The following LAMC3 variants were observed in gnomAD, a reference collection of about 807,000 sequenced individuals.
LAMC3 encodes the protein laminin subunit gamma 3.
A neutral mutation model predicts 173.8 loss-of-function variants in LAMC3; 128 were observed. That is an observed-to-expected ratio of 0.74 (90% CI 0.64 to 0.85). The LOEUF (loss-of-function observed/expected upper bound fraction) is 0.85, where lower values mean the gene tolerates loss of function less well. LAMC3 is among the 40% of genes least tolerant of loss of function. LAMC3 has a pLI of 0.00. For missense variants in LAMC3, 2,022 were observed against 2,156.0 expected (o/e 0.94, Z 1.23); for synonymous variants, 897 against 909.1 (o/e 0.99, Z 0.24).
Position 131,092,236 on chromosome 9 carries a change from C to T in LAMC3, c.*449C>T, listed in dbSNP as rs914092626. The T allele has an allele frequency of 1.8e-4, 44 of 247,860 alleles. No individual in the cohort carries two copies. The highest frequency in any genetic ancestry group is 9.9e-5 in the East Asian group (1 of 10,074). 15.4% of individuals were successfully genotyped at this position (247,860 alleles called of 1,614,324 possible). A position where few individuals can be genotyped will look rare whatever the true frequency, so the allele number is the denominator to read the frequency against. ...TTACATGAGATGCCCTGGGGTGCTA[C>T]ATCCACTCACTCCAGATAGCAGGGA... On this transcript the variant is annotated 3_prime_UTR_variant, in exon 28 of 28. Transcript: ENST00000361069.
At position 131,026,648 on chromosome 9, in the gene LAMC3, A is replaced by G. The variant is rs1468540258; in HGVS notation, c.678+59A>G. On this transcript the variant is annotated intron_variant, in intron 2 of 27. Coordinates refer to ENST00000361069, the MANE Select transcript of LAMC3 (RefSeq NM_006059.4). This position sits in a 1 kb window ranked among gnomAD's most constrained non-coding sequence, Gnocchi z 4.8. ...GGGGTTGGGACTGGGTCACGGCAGTAGGAGGGTCTGATGTGCCAGGACACA... is the reference window on the plus strand; with the variant it reads ...GGGGTTGGGACTGGGTCACGGCAGTGGGAGGGTCTGATGTGCCAGGACACA... 10 of 1,489,094 alleles carry G rather than the reference A, an allele frequency of 6.7e-6. No individual in the cohort carries two copies. The highest frequency in any genetic ancestry group is 2.8e-5 in the African/African-American group (2 of 71,986). The allele number at this position is 1,489,094 out of a possible 1,614,324, so 92.2% of individuals were successfully genotyped here. A position where few individuals can be genotyped will look rare whatever the true frequency, so the allele number is the denominator to read the frequency against.
intron 27 of LAMC3, among the ~76,000 whole-genome samples, chr9:131,089,182 G>A (rs1588172595): frequency 8.5e-6 from 1 of 118,276 alleles, no homozygotes; most frequent in South Asian, 3.4e-4. Context: ...TCATCGGGTG[G>A]GGGGAGGGGG....
rs116452372 is a variant in LAMC3, at chr9:131,060,133, G to C, written c.2159-902G>C. Among the ~76,000 whole-genome samples, 606 of 152,282 alleles carry C rather than the reference G, an allele frequency of 4.0e-3. 6 individuals carry two copies. Among genetic ancestry groups the C allele is most frequent in the African/African-American group, 0.014 (592 of 41,548 alleles). The stretch of plus-strand genomic sequence containing the variant: ...ATCAGGAGCCAGAGGGCAGGAACAG[G>C]GGTTCCCTCCCCTGAGACTAGGTAT... On this transcript the variant is annotated intron_variant, in intron 12 of 27. Transcript: ENST00000361069.
chr9:131,068,051 A>G, intron 14 of LAMC3, 27 bp from the exon 15 acceptor site: 1 of 1,605,662 alleles, frequency 6.2e-7, no homozygotes. Flanking sequence ...CATTGTTCCC[A>G]ACACCCCTTC....
At chr9:131,080,789 G>C (rs946523102) in intron 23 of LAMC3, among the ~76,000 whole-genome samples, 42 of 152,052 alleles carry the variant, frequency 2.8e-4, no homozygotes, top group Admixed American at 1.6e-3. Context: ...AGGCCCCAGC[G>C]TGTACAGATG....
chr9:131,038,836 A>G (rs1833989664), intron 4 of LAMC3, 28 bp from the exon 5 acceptor site: 3 of 1,609,874 alleles, frequency 1.9e-6, no homozygotes, highest in Non-Finnish European at 2.5e-6. Context: ...CAGGGGACTC[A>G]CACACCTTTC....
At position 131,071,515 on chromosome 9, in the gene LAMC3, C is replaced by T. The variant is rs149131135; in HGVS notation, c.3101C>T (p.Thr1034Met). The T allele has an allele frequency of 3.5e-4, 567 of 1,613,876 alleles. No individual in the cohort carries two copies. Among genetic ancestry groups the T allele is most frequent in the African/African-American group, 1.6e-3 (120 of 75,042 alleles). ...AAKLKARLTL[T>M]EGWLQGSDCG... ...AAGCTGAAGGCCAGACTGACTTTGA[C>T]GGAGGGGTGGCTCCAAGGGTCCGAC... The change falls in exon 18 of 28, where the codon ACG becomes ATG. Residue 1034 changes from threonine to methionine, a missense_variant. Transcript: ENST00000361069.
At chr9:131,042,913 G>A (rs1418768575) in intron 7 of LAMC3, among the ~76,000 whole-genome samples, 1 of 150,546 alleles carries the variant, frequency 6.6e-6, no homozygotes, top group Admixed American at 6.6e-5. Flanking sequence ...CACTAATGGA[G>A]CACCATCAAC....
intron 7 of LAMC3, among the ~76,000 whole-genome samples, chr9:131,044,681 G>A (rs1044140391): frequency 1.3e-5 from 2 of 152,166 alleles, no homozygotes; most frequent in South Asian, 2.1e-4. Context: ...GTGATATGAC[G>A]AGAAGGGTAC....
intron 4 of LAMC3, among the ~76,000 whole-genome samples, chr9:131,038,190 C>T (rs1377283909): frequency 1.3e-5 from 2 of 152,216 alleles, no homozygotes; most frequent in East Asian, 3.9e-4. Flanking sequence ...AGCCTTGTCC[C>T]ACCACCCCAG....
intron 7 of LAMC3, among the ~76,000 whole-genome samples, chr9:131,043,524 C>A (rs116656522): frequency 1.3e-5 from 2 of 152,226 alleles, no homozygotes; most frequent in African/African-American, 2.4e-5. Context: ...CAGGAGCCGA[C>A]GTGAAAGAGC....
intron 6 of LAMC3, 105 bp downstream of exon 6, chr9:131,039,353 C>A: frequency 1.1e-6 from 1 of 943,692 alleles, no homozygotes; most frequent in Non-Finnish European, 1.7e-6. Flanking sequence ...TTCCTGTCTG[C>A]AGCTACCTCG....
intron 1 of LAMC3, among the ~76,000 whole-genome samples, chr9:131,015,306 G>A (rs78429594): frequency 0.019 from 2,937 of 152,142 alleles, 101 homozygotes; most frequent in African/African-American, 0.067. Flanking sequence ...CCTAAGCCAC[G>A]GTGTTCACAG....
intron 25 of LAMC3, among the ~76,000 whole-genome samples, chr9:131,086,551 G>T (rs1202155668): frequency 1.3e-5 from 2 of 148,336 alleles, no homozygotes; most frequent in East Asian, 3.9e-4. Context: ...GGGACTACAG[G>T]TGTGTGCCAC....
intron 24 of LAMC3, 122 bp from the exon 25 acceptor site, chr9:131,085,402 T>C: frequency 1.0e-6 from 1 of 963,532 alleles, no homozygotes; most frequent in Non-Finnish European, 1.7e-6. Context: ...TTGCATGCAC[T>C]TCAGACCTCC....
intron 24 of LAMC3, among the ~76,000 whole-genome samples, chr9:131,083,761 G>T (rs1261699161): frequency 6.6e-6 from 1 of 151,670 alleles, no homozygotes; most frequent in Non-Finnish European, 1.5e-5. Flanking sequence ...AGCAAAGCAG[G>T]TCTAATTTCT....
rs1274919130 is a variant in LAMC3 at position 131,056,996 on chromosome 9, G to A, written c.2007G>A (p.Trp669Ter). ...CAGGGCTTTCCCCGCCAGCCTCCTGGGTGGAGATTTGTTCATGTCCCACTG... is the reference window on the plus strand; with the variant it reads ...CAGGGCTTTCCCCGCCAGCCTCCTGAGTGGAGATTTGTTCATGTCCCACTG... ...ARPGLSPPAS[W>*]VEICSCPTGY... The change falls in exon 12 of 28, where the codon TGG becomes TGA. Residue 669 changes from tryptophan (W) to a stop codon, truncating the protein, a stop_gained. Transcript: ENST00000361069. LOFTEE classifies it high-confidence loss of function. 1 of 1,613,958 alleles carries A rather than the reference G, an allele frequency of 6.2e-7. No homozygotes were observed. Among genetic ancestry groups the A allele is most frequent in the African/African-American group, 1.3e-5 (1 of 74,914 alleles).
intron 12 of LAMC3, 69 bp from the exon 13 acceptor site, chr9:131,060,966 C>T: frequency 1.3e-6 from 2 of 1,529,228 alleles, no homozygotes; most frequent in Admixed American, 1.7e-5. Flanking sequence ...TCCCTAACCT[C>T]TCCCACCGGG....
intron 13 of LAMC3, among the ~76,000 whole-genome samples, chr9:131,061,564 G>A (rs954059830): frequency 5.3e-5 from 8 of 152,106 alleles, no homozygotes; most frequent in Non-Finnish European, 7.4e-5. Flanking sequence ...GGAAAACCTC[G>A]ATTAAACTTC....
Sources: gnomAD v4.1 joint callset for allele counts (sites outside exome capture counted in the v4.1 genomes callset) on GRCh38, gnomAD v4.1.1 for gene constraint, Gnocchi (gnomAD v3.1) non-coding constraint, MANE v1.5 for transcripts, NCBI Gene and HGNC (gene_info 2026-07-23, HGNC 2026-07-21) for gene names.